EXOC4: variants seen among roughly 807,000 people sequenced by gnomAD.
The protein encoded by EXOC4 is exocyst complex component 4, also known as SEC8-like 1.
In EXOC4, 71 loss-of-function variants were observed where a neutral mutation model predicts 107.2. That is an observed-to-expected ratio of 0.66 (90% CI 0.55 to 0.81). The LOEUF (loss-of-function observed/expected upper bound fraction) is 0.81. EXOC4 is among the 30% of genes least tolerant of loss of function. EXOC4 has a pLI of 0.00. For missense variants in EXOC4, 1,108 were observed against 1,189.6 expected (o/e 0.93, Z 1.01); for synonymous variants, 456 against 441.2 (o/e 1.03, Z -0.42).
At chr7:133,591,167 A>T (rs1208351846) in intron 9 of EXOC4, among the ~76,000 whole-genome samples, 1 of 152,092 alleles carries the variant, frequency 6.6e-6, no homozygotes, top group African/African-American at 2.4e-5. Context: ...AGTTGCTGAG[A>T]GTATAGGCAT....
At chr7:133,480,007 T>C (rs764108423) in intron 8 of EXOC4, 43 bp from the exon 9 acceptor site, 10 of 1,505,256 alleles carry the variant, frequency 6.6e-6, no homozygotes, top group Admixed American at 3.3e-5. Flanking sequence ...AGCACTTAAT[T>C]GGTTTACACC....
At chr7:133,464,413 G>A (rs543820486) in intron 7 of EXOC4, among the ~76,000 whole-genome samples, 1 of 152,296 alleles carries the variant, frequency 6.6e-6, no homozygotes, top group African/African-American at 2.4e-5. Context: ...CTCTCATTTT[G>A]TAGTTCTAAG....
intron 7 of EXOC4, among the ~76,000 whole-genome samples, chr7:133,432,089 A>G (rs1414288115): frequency 6.6e-6 from 1 of 152,172 alleles, no homozygotes; most frequent in Non-Finnish European, 1.5e-5. Context: ...TAAGTCTACT[A>G]TGATCATAAT....
At chr7:134,063,672 GCTGTGTCTTGCCCATC>G (rs1449469928) in intron 17 of EXOC4, among the ~76,000 whole-genome samples, 1 of 152,150 alleles carries the variant, frequency 6.6e-6, no homozygotes, top group Non-Finnish European at 1.5e-5. Context: ...GAGGAAAGGG[GCTGTGTCTTGCCCATC>G]CTTATATACT....
At chr7:133,984,284 C>T (rs969164334) in intron 14 of EXOC4, among the ~76,000 whole-genome samples, 5 of 152,134 alleles carry the variant, frequency 3.3e-5, no homozygotes, top group Admixed American at 2.0e-4. Flanking sequence ...CCTAAGGGAA[C>T]GACTATCCAT....
At chr7:133,782,905 GCC>G (rs1428129271) in intron 10 of EXOC4, among the ~76,000 whole-genome samples, 3 of 152,098 alleles carry the variant, frequency 2.0e-5, no homozygotes, top group Non-Finnish European at 2.9e-5. Flanking sequence ...ATGGTCACTC[GCC>G]CAGGCCATTG....
At chr7:133,417,800 T>C (rs77810651) in intron 7 of EXOC4, among the ~76,000 whole-genome samples, 1 of 152,304 alleles carries the variant, frequency 6.6e-6, no homozygotes, top group East Asian at 1.9e-4. Context: ...GTCATTATAA[T>C]TGGCTTCTTT....
At chr7:133,629,103 C>G (rs1802524929) in intron 9 of EXOC4, among the ~76,000 whole-genome samples, 3 of 152,074 alleles carry the variant, frequency 2.0e-5, no homozygotes, top group African/African-American at 7.2e-5. Context: ...TTGAATGTGC[C>G]TGAGAGGTTT....
chr7:133,700,114 G>T (rs1794625072), intron 10 of EXOC4, among the ~76,000 whole-genome samples: 1 of 152,170 alleles, frequency 6.6e-6, no homozygotes. Flanking sequence ...TGGAATCATG[G>T]CCAGTGGAGG....
At chr7:133,724,191 C>A (rs1457533660) in intron 10 of EXOC4, among the ~76,000 whole-genome samples, 1 of 152,160 alleles carries the variant, frequency 6.6e-6, no homozygotes, top group African/African-American at 2.4e-5. Context: ...TAGGTCAGAT[C>A]TGGTTTTCCC....
intron 10 of EXOC4, among the ~76,000 whole-genome samples, chr7:133,657,685 G>C (rs1240266533): frequency 1.3e-5 from 2 of 152,112 alleles, no homozygotes; most frequent in Non-Finnish European, 2.9e-5. Flanking sequence ...GGGAGATACA[G>C]GTTCTCTGTG....
chr7:133,766,119 T>C (rs1479726137), intron 10 of EXOC4, among the ~76,000 whole-genome samples: 1 of 151,980 alleles, frequency 6.6e-6, no homozygotes, highest in African/African-American at 2.4e-5. Flanking sequence ...ATTTCTGTTA[T>C]TTGTTTTCTT....
downstream of EXOC4, among the ~76,000 whole-genome samples, chr7:134,069,413 C>T (rs140889890): frequency 6.1e-5 from 9 of 147,460 alleles, no homozygotes; most frequent in African/African-American, 2.3e-4. Context: ...CTTCTCCTTC[C>T]TCCTTCCTCC....
intron 13 of EXOC4, among the ~76,000 whole-genome samples, chr7:133,924,225 T>C (rs1490773072): frequency 6.6e-6 from 1 of 152,234 alleles, no homozygotes; most frequent in Non-Finnish European, 1.5e-5. Flanking sequence ...TCAACCTTAA[T>C]AGTTGCGCTA....
intron 17 of EXOC4, among the ~76,000 whole-genome samples, chr7:134,045,129 C>T (rs1489790107): frequency 6.6e-6 from 1 of 152,154 alleles, no homozygotes; most frequent in Non-Finnish European, 1.5e-5. Flanking sequence ...GCTAATTGTT[C>T]CATATAATTA....
chr7:133,291,560 T>C, intron 3 of EXOC4, among the ~76,000 whole-genome samples: 1 of 151,928 alleles, frequency 6.6e-6, no homozygotes, highest in South Asian at 2.1e-4. Context: ...TTTTGCATTT[T>C]TAGTAGAGAT....
intron 17 of EXOC4, among the ~76,000 whole-genome samples, chr7:134,032,251 G>A (rs187783409): frequency 3.3e-4 from 51 of 152,268 alleles, no homozygotes; most frequent in African/African-American, 1.1e-3. Flanking sequence ...TTACACTAAA[G>A]CATTCAGTGT....
chr7:134,037,050 A>T (rs1292978337), intron 17 of EXOC4, among the ~76,000 whole-genome samples: 1 of 152,172 alleles, frequency 6.6e-6, no homozygotes, highest in Admixed American at 6.5e-5. Context: ...TTAGTTTCCC[A>T]GTTTTTATAT....
At chr7:133,674,237 A>G (rs1273062754) in intron 10 of EXOC4, among the ~76,000 whole-genome samples, 1 of 152,182 alleles carries the variant, frequency 6.6e-6, no homozygotes, top group Non-Finnish European at 1.5e-5. Context: ...GAAACCACAA[A>G]TGGAAATGAG....
Sources: gnomAD v4.1 joint callset for allele counts (sites outside exome capture counted in the v4.1 genomes callset) on GRCh38, gnomAD v4.1.1 for gene constraint, MANE v1.5 for transcripts, NCBI Gene and HGNC (gene_info 2026-07-23, HGNC 2026-07-21) for gene names.